FAT3: variants seen among roughly 807,000 people sequenced by gnomAD.
FAT3 encodes the protein protocadherin Fat 3.
Under a neutral mutation model 310.2 loss-of-function variants are expected in FAT3, and 95 were observed. That is an observed-to-expected ratio of 0.31 (90% CI 0.26 to 0.36). FAT3 has a LOEUF of 0.36. Ranked by LOEUF, FAT3 falls within the 10% of genes least tolerant of loss-of-function variation. The probability of loss-of-function intolerance (pLI) is 1.00; values close to 1 mark genes in which losing one functional copy is unlikely to be tolerated. For missense variants in FAT3, 5,408 were observed against 5,715.6 expected, an observed-to-expected ratio of 0.95 and a Z score of 1.74; for synonymous variants, 2,314 against 2,192.9, an observed-to-expected ratio of 1.06 and a Z score of -1.54.
rs187907705 is a variant in FAT3 at position 92,428,893 on chromosome 11, G to T, written c.3292+73489G>T. 1.4e-3 allele frequency among the ~76,000 whole-genome samples: 219 copies of T among 152,222 alleles called. 1 individual carries two copies. The highest frequency in any genetic ancestry group is 3.4e-3 in the Middle Eastern group (1 of 294). Reference sequence around the variant, plus strand: ...GGAGAGTTCTGCAGATGTCTATTAGGTCCACTCGGTCGAGAGCTGAGTTCA... The same window carrying T: ...GGAGAGTTCTGCAGATGTCTATTAGTTCCACTCGGTCGAGAGCTGAGTTCA... On this transcript the variant is annotated intron_variant, in intron 2 of 27. Coordinates refer to ENST00000525166, the MANE Select transcript of FAT3 (RefSeq NM_001367949.2).
At chr11:92,575,556 T>G (rs908438770) in intron 3 of FAT3, among the ~76,000 whole-genome samples, 1 of 152,212 alleles carries the variant, frequency 6.6e-6, no homozygotes, top group Admixed American at 6.5e-5. Flanking sequence ...GAGTTCACCC[T>G]TTGACAATGT....
At chr11:92,551,425 T>TGTGTGTGTGTGTGC (rs1274389616) in intron 3 of FAT3, among the ~76,000 whole-genome samples, 1 of 150,938 alleles carries the variant, frequency 6.6e-6, no homozygotes, top group Non-Finnish European at 1.5e-5. Flanking sequence ...TGTGTGTGTG[T>TGTGTGTGTGTGTGC]GTGTGTGTGT....
chr11:92,820,721 A>G (rs1167213065), intron 13 of FAT3, among the ~76,000 whole-genome samples: 1 of 152,190 alleles, frequency 6.6e-6, no homozygotes, highest in African/African-American at 2.4e-5. Context: ...ATAGATAACC[A>G]GCTAAAAAAT....
intron 3 of FAT3, among the ~76,000 whole-genome samples, chr11:92,571,563 A>G (rs572493691): frequency 9.8e-5 from 15 of 152,308 alleles, no homozygotes; most frequent in African/African-American, 2.9e-4. Flanking sequence ...AGTTTTTACT[A>G]TGACTTAGTA....
At chr11:92,732,799 A>T (rs1945220947) in intron 4 of FAT3, among the ~76,000 whole-genome samples, 1 of 152,218 alleles carries the variant, frequency 6.6e-6, no homozygotes, top group Non-Finnish European at 1.5e-5. Context: ...TAAGCACTAG[A>T]GGTTAAGCAC....
At chr11:92,599,886 A>G (rs370935433) in intron 3 of FAT3, among the ~76,000 whole-genome samples, 1 of 152,260 alleles carries the variant, frequency 6.6e-6, no homozygotes, top group South Asian at 2.1e-4. Context: ...TGCCTTTTAA[A>G]ACTGATCACA....
chr11:92,397,819 C>T (rs1334656329), intron 2 of FAT3, among the ~76,000 whole-genome samples: 2 of 151,582 alleles, frequency 1.3e-5, no homozygotes, highest in African/African-American at 4.9e-5. Flanking sequence ...ATCAGTGACA[C>T]TCTATTTGCC....
chr11:92,308,508 C>T (rs1947199560), intron 1 of FAT3, among the ~76,000 whole-genome samples: 1 of 152,054 alleles, frequency 6.6e-6, no homozygotes, highest in Non-Finnish European at 1.5e-5. Flanking sequence ...GGAAGACTTA[C>T]TATGAAAGTT....
At chr11:92,245,660 C>A (rs1864869703) in intron 1 of FAT3, among the ~76,000 whole-genome samples, 1 of 152,106 alleles carries the variant, frequency 6.6e-6, no homozygotes, top group South Asian at 2.1e-4. Flanking sequence ...GTGTCTATTA[C>A]AACTATTCAA....
intron 2 of FAT3, among the ~76,000 whole-genome samples, chr11:92,421,200 T>G (rs567205535): frequency 2.0e-5 from 3 of 152,348 alleles, no homozygotes; most frequent in Non-Finnish European, 4.4e-5. Context: ...GTAACTTGAC[T>G]ATCACTTGAA....
chr11:92,801,972 G>A (rs1947373017), intron 10 of FAT3, 63 bp downstream of exon 10: 10 of 1,462,472 alleles, frequency 6.8e-6, no homozygotes, highest in Admixed American at 3.8e-5. Context: ...GGAAGATGGC[G>A]GGGAGAAGAG....
intron 3 of FAT3, among the ~76,000 whole-genome samples, chr11:92,537,523 A>T (rs2135401955): frequency 6.6e-6 from 1 of 152,202 alleles, no homozygotes; most frequent in South Asian, 2.1e-4. Flanking sequence ...ATTGGGGTAG[A>T]CACTAGTTCC....
At chr11:92,436,747 G>A (rs1260452356) in intron 2 of FAT3, among the ~76,000 whole-genome samples, 1 of 152,076 alleles carries the variant, frequency 6.6e-6, no homozygotes, top group African/African-American at 2.4e-5. Flanking sequence ...GTTCCATTTT[G>A]AACTCTGAGT....
At chr11:92,873,243 G>A (rs945977799) in intron 22 of FAT3, among the ~76,000 whole-genome samples, 2 of 152,174 alleles carry the variant, frequency 1.3e-5, no homozygotes, top group Admixed American at 1.3e-4. Flanking sequence ...GTCACACCCA[G>A]GTAGTGGGTA....
intron 9 of FAT3, 151 bp from the exon 10 acceptor site, chr11:92,797,685 C>T: frequency 1.5e-6 from 1 of 666,930 alleles, no homozygotes. Flanking sequence ...GAAAGAGAAG[C>T]CTCTCATTTT....
Position 92,894,564 on chromosome 11 carries a change from G to A in FAT3, c.*3451G>A, listed in dbSNP as rs1949985478. ...GTATTGCACACATTCTGGTTAGGTT[G>A]AGAATAGCTAGACTCTTGGTGCTCG... On this transcript the variant is annotated 3_prime_UTR_variant, in exon 28 of 28. Coordinates refer to ENST00000525166, the MANE Select transcript of FAT3 (RefSeq NM_001367949.2). The A allele has an allele frequency of 1.3e-5, 2 of 152,216 alleles. No individual in the cohort carries two copies. Among genetic ancestry groups the A allele is most frequent in the South Asian group, 4.1e-4 (2 of 4,826 alleles). The allele number at this position is 152,216 out of a possible 1,614,324, so 9.4% of individuals were successfully genotyped here.
At chr11:92,393,254 GTA>G (rs1949788508) in intron 2 of FAT3, among the ~76,000 whole-genome samples, 1 of 152,032 alleles carries the variant, frequency 6.6e-6, no homozygotes, top group Non-Finnish European at 1.5e-5. Context: ...CTGAGTGTGT[GTA>G]TGCACACACA....
chr11:92,795,456 T>C lies in FAT3; in HGVS notation c.4823-2380T>C, dbSNP rs527734769. Reference sequence around the variant, plus strand: ...AGAGGCCAATTTTTCAGGATTCAAGTGTAGCAGGAAAGAATAAGCAGGAAG... The same window carrying C: ...AGAGGCCAATTTTTCAGGATTCAAGCGTAGCAGGAAAGAATAAGCAGGAAG... On this transcript the variant is annotated intron_variant, in intron 9 of 27. Coordinates refer to ENST00000525166, the MANE Select transcript of FAT3 (RefSeq NM_001367949.2). 3.2e-4 allele frequency among the ~76,000 whole-genome samples: 49 copies of C among 151,792 alleles called. No individual in the cohort carries two copies. The Middle Eastern group carries it at 0.01, about 32-fold the overall frequency.
At chr11:92,769,363 CA>C (rs1240876906) in intron 6 of FAT3, among the ~76,000 whole-genome samples, 2 of 152,194 alleles carry the variant, frequency 1.3e-5, no homozygotes, top group Non-Finnish European at 2.9e-5. Flanking sequence ...GAAGGGAACA[CA>C]AATAACCCAT....
Sources: gnomAD v4.1 joint callset for allele counts (sites outside exome capture counted in the v4.1 genomes callset) on GRCh38, gnomAD v4.1.1 for gene constraint, MANE v1.5 for transcripts, NCBI Gene and HGNC (gene_info 2026-07-23, HGNC 2026-07-21) for gene names.